LMAN1: variants seen among roughly 807,000 people sequenced by gnomAD.
LMAN1 encodes the protein lectin, mannose binding 1.
A neutral mutation model predicts 67.8 loss-of-function variants in LMAN1; 32 were observed. The ratio of observed to expected loss-of-function variants is 0.47; its 90% CI spans 0.36 to 0.63. The LOEUF (loss-of-function observed/expected upper bound fraction) is 0.63, where lower values mean the gene tolerates loss of function less well. LMAN1 is among the 30% of genes least tolerant of loss of function. LMAN1 has a pLI of 0.00. For synonymous variants in LMAN1, 235 were observed against 219.3 expected (o/e 1.07, Z -0.63); for missense variants, 632 against 628.2 (o/e 1.01, Z -0.06).
At chr18:59,336,576 G>A (rs1037922930) in intron 10 of LMAN1, among the ~76,000 whole-genome samples, 3 of 152,082 alleles carry the variant, frequency 2.0e-5, no homozygotes, top group African/African-American at 7.2e-5. Flanking sequence ...AATATGGAGG[G>A]AATTATTTCG....
chr18:59,345,899 TCAG>T lies in LMAN1; in HGVS notation c.955+17_955+19del, dbSNP rs752540792. 4.3e-6 allele frequency: 7 copies of T among 1,613,810 alleles called. No individual in the cohort carries two copies. Among genetic ancestry groups the T allele is most frequent in the Non-Finnish European group, 5.9e-6 (7 of 1,180,004 alleles). On this transcript the variant is annotated intron_variant, in intron 8 of 12. Transcript: ENST00000251047. ...CTCAAGCCCTGCTGCGGCACCCATG[TCAG>T]CTTTGCTACAACTCACCAGGCTGCC...
chr18:59,350,958 T>C (rs997252331), intron 5 of LMAN1, among the ~76,000 whole-genome samples: 2 of 152,198 alleles, frequency 1.3e-5, no homozygotes. Context: ...TTTCAAACCA[T>C]TGTTAAAGAC....
intron 8 of LMAN1, among the ~76,000 whole-genome samples, chr18:59,340,870 A>G (rs910593456): frequency 7.2e-5 from 11 of 152,196 alleles, no homozygotes; most frequent in Admixed American, 7.2e-4. Flanking sequence ...AGCCTCATAT[A>G]TCAATATTAA....
At position 59,354,596 on chromosome 18, in the gene LMAN1, A is replaced by G. The variant is rs371522801; in HGVS notation, c.478-16T>C. The G allele has an allele frequency of 1.4e-5, 18 of 1,264,542 alleles. No individual in the cohort carries two copies. The African/African-American group carries it at 2.3e-4, about 16-fold the overall frequency. The allele number at this position is 1,264,542 out of a possible 1,614,324, so 78.3% of individuals were successfully genotyped here. On this transcript the variant is annotated splice_polypyrimidine_tract_variant and intron_variant, in intron 3 of 12. Transcript: ENST00000251047. ...GATTATTTTTCTAAAAAAAAGGAAAACATTTTAAAAAATGTCTTTAATCAA... is the reference window on the plus strand; with the variant it reads ...GATTATTTTTCTAAAAAAAAGGAAAGCATTTTAAAAAATGTCTTTAATCAA...
intron 8 of LMAN1, among the ~76,000 whole-genome samples, chr18:59,345,358 T>C (rs1256614762): frequency 6.6e-6 from 1 of 152,182 alleles, no homozygotes; most frequent in East Asian, 1.9e-4. Context: ...CTTAATAACA[T>C]TGGGTTAGAC....
In LMAN1 at chr18:59,338,559, C is replaced by T; in HGVS notation, c.1218G>A (p.Met406Ile). The change falls in exon 10 of 13, where the codon ATG becomes ATA. Residue 406 changes from methionine (M) to isoleucine (I), a missense_variant and splice_region_variant. Physicochemically the swap from Met to Ile is conservative, Grantham distance 10. Coordinates refer to ENST00000251047, the MANE Select transcript of LMAN1 (RefSeq NM_005570.4). ...AAACGCTACTTTTCCATACTTACTTCATTTCATTTACTTGTCTCAGAATCT... is the reference window on the plus strand; with the variant it reads ...AAACGCTACTTTTCCATACTTACTTTATTTCATTTACTTGTCTCAGAATCT... ...QHEILRQVNE[M>I]KNSMSETVRL... 1.2e-6 allele frequency: 2 copies of T among 1,612,182 alleles called. No homozygotes were observed. Among genetic ancestry groups the T allele is most frequent in the Non-Finnish European group, 1.7e-6 (2 of 1,178,464 alleles).
intron 8 of LMAN1, among the ~76,000 whole-genome samples, chr18:59,340,421 T>C (rs73448240): frequency 0.11 from 16,726 of 151,998 alleles, 1,557 homozygotes; most frequent in African/African-American, 0.26. Flanking sequence ...GGAAATTCCA[T>C]CAGATTAACA....
At chr18:59,348,962 A>G (rs1908480953) in intron 6 of LMAN1, 151 bp downstream of exon 6, 7 of 918,288 alleles carry the variant, frequency 7.6e-6, no homozygotes, top group Admixed American at 1.8e-5. Flanking sequence ...AGCAATCTCA[A>G]CAGACCAAAA....
At chr18:59,346,153 C>G in intron 7 of LMAN1, 102 bp from the exon 8 acceptor site, 2 of 919,802 alleles carry the variant, frequency 2.2e-6, no homozygotes, top group Non-Finnish European at 3.3e-6. Context: ...CTACCACTAG[C>G]GGAAAGGTTA....
At chr18:59,342,297 G>A (rs950494343) in intron 8 of LMAN1, among the ~76,000 whole-genome samples, 1 of 151,990 alleles carries the variant, frequency 6.6e-6, no homozygotes, top group Non-Finnish European at 1.5e-5. Flanking sequence ...ACTGAGGAGA[G>A]AATTCCCCCT....
At position 59,329,288 on chromosome 18, in the gene LMAN1, G is replaced by GA. The variant is rs1373135507; in HGVS notation, c.*1804dup. 1 of 152,114 alleles carries GA rather than the reference G, an allele frequency of 6.6e-6. No homozygotes were observed. 9.4% of individuals were successfully genotyped at this position (152,114 alleles called of 1,614,324 possible). The stretch of plus-strand genomic sequence containing the variant: ...AATGATTCCCCTTGAATTTCAGCCT[G>GA]AAAAATGTATACTGCATAGATCTGG... On this transcript the variant is annotated 3_prime_UTR_variant, in exon 13 of 13. Coordinates refer to ENST00000251047, the MANE Select transcript of LMAN1 (RefSeq NM_005570.4).
chr18:59,339,033 C>A, intron 8 of LMAN1, 80 bp from the exon 9 acceptor site: 1 of 1,155,976 alleles, frequency 8.7e-7, no homozygotes, highest in Non-Finnish European at 1.3e-6. Context: ...ACCAAAGTGC[C>A]AACATTCAGC....
Position 59,328,384 on chromosome 18 carries a change from G to A in LMAN1, c.*2709C>T, listed in dbSNP as rs1438918511. The A allele has an allele frequency of 1.3e-5, 2 of 152,136 alleles. No individual in the cohort carries two copies. The highest frequency in any genetic ancestry group is 1.9e-4 in the East Asian group (1 of 5,196). The allele number at this position is 152,136 out of a possible 1,614,324, so 9.4% of individuals were successfully genotyped here. On this transcript the variant is annotated 3_prime_UTR_variant, in exon 13 of 13. Coordinates refer to ENST00000251047, the MANE Select transcript of LMAN1 (RefSeq NM_005570.4). ...ATTTCATAAGATTAAAAGCCATCAC[G>A]AAAATACTGAAAGCAACAGGTAATA... is the stretch of plus-strand genomic sequence containing the variant.
intron 10 of LMAN1, among the ~76,000 whole-genome samples, chr18:59,334,917 T>C (rs887673705): frequency 6.6e-6 from 1 of 152,166 alleles, no homozygotes; most frequent in African/African-American, 2.4e-5. Flanking sequence ...AGTTTTTATA[T>C]TAACTTACTG....
chr18:59,333,015 A>T, intron 11 of LMAN1, 76 bp downstream of exon 11: 1 of 1,243,596 alleles, frequency 8.0e-7, no homozygotes, highest in Non-Finnish European at 1.2e-6. Context: ...CTAAAGGGTT[A>T]AAATACTTGC....
Position 59,346,004 on chromosome 18 carries a change from C to T in LMAN1, c.870G>A (p.Gln290=). ...EISEKEKEKY[Q]EEFEHFQQEL... ...CTTGTTGAAAGTGCTCAAATTCCTC[C>T]TGATACTTTTCTTTTTCCTTTTCCG... Residue 290 remains glutamine (Q), a synonymous_variant, in exon 8 of 13, where the codon CAG becomes CAA. Transcript: ENST00000251047. The T allele has an allele frequency of 6.2e-7, 1 of 1,613,562 alleles. No individual in the cohort carries two copies. Among genetic ancestry groups the T allele is most frequent in the Non-Finnish European group, 8.5e-7 (1 of 1,179,820 alleles).
rs746316650 is a variant in LMAN1, at chr18:59,345,965, T to C, written c.909A>G (p.Lys303=). ...FEHFQQELDK[K]KEEFQKGHPD... is the part of the protein sequence containing the mutation. ...GGTGGCCCTTCTGGAATTCCTCTTT[T>C]TTTTTATCCAATTCTTGTTGAAAGT... The change falls in exon 8 of 13, where the codon AAA becomes AAG. Residue 303 remains lysine, a synonymous_variant. Transcript: ENST00000251047. 4.3e-6 allele frequency: 7 copies of C among 1,613,910 alleles called. No homozygotes were observed. In the African/African-American group the frequency reaches 8.0e-5, roughly 18 times the overall value.
At chr18:59,352,123 T>C (rs1908556286) in intron 5 of LMAN1, among the ~76,000 whole-genome samples, 1 of 152,240 alleles carries the variant, frequency 6.6e-6, no homozygotes, top group Non-Finnish European at 1.5e-5. Context: ...TGATCTTAGT[T>C]ATCATAACTG....
chr18:59,359,028 T>C lies in LMAN1; in HGVS notation c.214+3A>G. ...CGGCCCCCAGCCCTCTGCTCCGGCT[T>C]ACTCCCCGCGTGGGCCCAGAAGGGC... On this transcript the variant is annotated splice_donor_region_variant and intron_variant, in intron 1 of 12. Transcript: ENST00000251047. 6.2e-6 allele frequency: 10 copies of C among 1,613,718 alleles called. No homozygotes were observed. Among genetic ancestry groups the C allele is most frequent in the Non-Finnish European group, 8.5e-6 (10 of 1,179,888 alleles).
Sources: allele counts gnomAD v4.1 joint callset (sites outside exome capture counted in the v4.1 genomes callset), GRCh38; gene constraint gnomAD v4.1.1; transcripts MANE v1.5; gene names NCBI Gene and HGNC (gene_info 2026-07-23, HGNC 2026-07-21).